The following ATM variants were observed in gnomAD, a reference collection of about 807,000 sequenced individuals.
The protein encoded by ATM is serine-protein kinase ATM.
ATM carries 308 observed loss-of-function variants against 387.0 expected under a neutral mutation model. The ratio of observed to expected loss-of-function variants is 0.80; its 90% confidence interval spans 0.73 to 0.87. ATM has a LOEUF of 0.87. Among genes scored for constraint, ATM ranks in the 40% least tolerant of loss-of-function variants. ATM has a pLI of 0.00. For missense variants in ATM, 3,312 were observed against 3,560.9 expected (o/e 0.93, Z 1.78); for synonymous variants, 1,156 against 1,187.3 (o/e 0.97, Z 0.54).
chr11:108,364,883 A>G (rs984648531), intron 61 of ATM, among the ~76,000 whole-genome samples, 199 bp from the exon 62 acceptor site: 1 of 152,224 alleles, frequency 6.6e-6, no homozygotes, highest in African/African-American at 2.4e-5. Flanking sequence ...GGAAGAATGA[A>G]TTCAGAATGA....
intron 22 of ATM, among the ~76,000 whole-genome samples, chr11:108,278,463 A>T (rs1028733234): frequency 6.6e-6 from 1 of 152,244 alleles, no homozygotes. Flanking sequence ...ACATGCAAGT[A>T]GCATTCTTTT....
chr11:108,313,008 C>A (rs1258580143), intron 40 of ATM, among the ~76,000 whole-genome samples: 1 of 152,196 alleles, frequency 6.6e-6, no homozygotes, highest in African/African-American at 2.4e-5. Context: ...ATCTTCTCTT[C>A]TATGCCGCTG....
In ATM at chr11:108,259,043, A is replaced by G. The variant is rs112357985; in HGVS notation, c.2434A>G (p.Met812Val). 2 of 1,613,770 alleles carry G rather than the reference A, an allele frequency of 1.2e-6. No homozygotes were observed. The highest frequency in any genetic ancestry group is 4.5e-5 in the East Asian group (2 of 44,832). ...CCTGCGATTGTTAACATCAAAGCTA[A>G]TGAATGACATTGCAGATATTTGTAA... ...FFLRLLTSKL[M>V]NDIADICKSL... Residue 812 changes from methionine to valine, a missense_variant, in exon 16 of 63, where the codon ATG becomes GTG. Physicochemically the swap from Met to Val is conservative, Grantham distance 21. Coordinates refer to ENST00000675843, the MANE Select transcript of ATM (RefSeq NM_000051.4).
chr11:108,283,920 C>A (rs185124502), intron 25 of ATM, among the ~76,000 whole-genome samples: 3 of 152,098 alleles, frequency 2.0e-5, no homozygotes, highest in Admixed American at 1.3e-4. Flanking sequence ...AATATAAATT[C>A]AAGTCTCCAT....
At chr11:108,321,562 C>G in intron 45 of ATM, 142 bp downstream of exon 45, 2 of 1,246,142 alleles carry the variant, frequency 1.6e-6, no homozygotes, top group South Asian at 2.4e-5. Context: ...GTGGGTGGAT[C>G]ACTTGAGGTC....
chr11:108,339,123 GTTGA>G (rs1157134040), intron 56 of ATM, among the ~76,000 whole-genome samples: 2 of 152,200 alleles, frequency 1.3e-5, no homozygotes, highest in African/African-American at 4.8e-5. Flanking sequence ...TATTGTGTAT[GTTGA>G]TAGCTCAGAC....
At chr11:108,289,138 T>C in intron 28 of ATM, 35 bp downstream of exon 28, 1 of 1,576,818 alleles carries the variant, frequency 6.3e-7, no homozygotes, top group Middle Eastern at 2.0e-4. Context: ...AATAGAACAT[T>C]CCTTCTTTTT....
At chr11:108,335,766 CT>C in intron 55 of ATM, 78 bp from the exon 56 acceptor site, 1 of 1,154,106 alleles carries the variant, frequency 8.7e-7, no homozygotes, top group Non-Finnish European at 1.3e-6. Flanking sequence ...TTTGAGTGCC[CT>C]TTGCTATTCT....
chr11:108,236,041 C>T (rs902461742), intron 5 of ATM: 30 of 584,912 alleles, frequency 5.1e-5, no homozygotes, highest in Non-Finnish European at 7.5e-5. Context: ...ATATCAGGTG[C>T]CTGATATCAG....
At chr11:108,276,251 C>A (rs1446688562) in intron 22 of ATM, among the ~76,000 whole-genome samples, 1 of 152,184 alleles carries the variant, frequency 6.6e-6, no homozygotes, top group Non-Finnish European at 1.5e-5. Context: ...TTCTAGTTAG[C>A]AGTTCCTCTA....
intron 29 of ATM, 88 bp from the exon 30 acceptor site, chr11:108,292,531 T>C: frequency 1.4e-6 from 2 of 1,465,554 alleles, no homozygotes; most frequent in Non-Finnish European, 1.9e-6. Flanking sequence ...TTAGAGATGC[T>C]GAACAAAAGG....
chr11:108,367,464 GTCA>G lies in ATM; in HGVS notation c.*1961_*1963del, dbSNP rs1210749716. On this transcript the variant is annotated 3_prime_UTR_variant, in exon 63 of 63. Transcript: ENST00000675843. ...TGGAACATTTCTCTGTCCCCCAGCT[GTCA>G]TCATATAAGATAAACATCAGATAAA... 4.9e-6 allele frequency: 1 copy of G among 202,718 alleles called. No homozygotes were observed. The highest frequency in any genetic ancestry group is 1.0e-5 in the Non-Finnish European group (1 of 98,864). The allele number at this position is 202,718 out of a possible 1,614,324, so 12.6% of individuals were successfully genotyped here.
intron 4 of ATM, among the ~76,000 whole-genome samples, chr11:108,233,749 A>C (rs1428499498): frequency 6.6e-6 from 1 of 152,080 alleles, no homozygotes; most frequent in African/African-American, 2.4e-5. Context: ...TGGGAGGCTG[A>C]CATGGGTAGA....
At position 108,329,097 on chromosome 11, in the gene ATM, C is replaced by T. The variant is rs1018140779; in HGVS notation, c.7166C>T (p.Ser2389Leu). 1.9e-6 allele frequency: 3 copies of T among 1,614,092 alleles called. No homozygotes were observed. The highest frequency in any genetic ancestry group is 1.3e-5 in the African/African-American group (1 of 75,030). Residue 2389 changes from serine to leucine, a missense_variant, in exon 49 of 63, where the codon TCA (serine) becomes TTA (leucine). By Grantham distance (145) the Ser-to-Leu change is moderately radical. Coordinates refer to ENST00000675843, the MANE Select transcript of ATM (RefSeq NM_000051.4). ...LRNGKMKAFL[S>L]LARFSDTQYQ... is the part of the protein sequence containing the mutation. ...AATGGAAAAATGAAGGCATTTCTCT[C>T]ATTAGCCCGGTTTTCAGATACTCAA...
chr11:108,309,236 C>A (rs1252515176), intron 38 of ATM, among the ~76,000 whole-genome samples: 1 of 152,146 alleles, frequency 6.6e-6, no homozygotes, highest in Non-Finnish European at 1.5e-5. Flanking sequence ...TGTCTTTGAA[C>A]CTCAGTCTTA....
intron 5 of ATM, among the ~76,000 whole-genome samples, chr11:108,237,563 T>C (rs2079341264): frequency 1.3e-5 from 2 of 152,246 alleles, no homozygotes; most frequent in South Asian, 4.1e-4. Flanking sequence ...AAGTATTTTT[T>C]TACTTAGCTT....
Position 108,301,655 on chromosome 11 carries a change from G to C in ATM, c.5185G>C (p.Val1729Leu), listed in dbSNP as rs3092907. The change falls in exon 35 of 63, where the codon GTT becomes CTT. Residue 1729 changes from valine to leucine, a missense_variant. Physicochemically the swap from Val to Leu is conservative, Grantham distance 32 (BLOSUM62 1). This residue lies in a region of ATM where 1,405 missense variants were observed against 1,604.4 expected (regional missense o/e 0.88). Transcript: ENST00000675843. Reference protein sequence around the residue: ...NNTLVEDCVKVRSAAVTCLKN... With the variant: ...NNTLVEDCVKLRSAAVTCLKN... ...TTGAATTGTTTTTTTCAGTGTCAAA[G>C]TTCGATCAGCAGCTGTTACCTGTTT... 145 of 1,613,474 alleles carry C rather than the reference G, an allele frequency of 9.0e-5. No homozygotes were observed. The Middle Eastern group carries it at 1.2e-3, about 13-fold the overall frequency.
At chr11:108,356,264 G>C (rs565625546) in intron 61 of ATM, among the ~76,000 whole-genome samples, 3 of 152,092 alleles carry the variant, frequency 2.0e-5, no homozygotes, top group African/African-American at 7.2e-5. Context: ...GGCTGGGCGC[G>C]GTGGCTCATG....
At chr11:108,279,359 A>G (rs2082103136) in intron 22 of ATM, 132 bp from the exon 23 acceptor site, 3 of 710,806 alleles carry the variant, frequency 4.2e-6, no homozygotes, top group Admixed American at 4.4e-5. Context: ...GTTAGTCTTT[A>G]AGAAAGAGCT....
Sources: allele counts gnomAD v4.1 joint callset (sites outside exome capture counted in the v4.1 genomes callset), GRCh38; gene constraint gnomAD v4.1.1; regional missense constraint gnomAD v4.1.1; transcripts MANE v1.5; gene names NCBI Gene and HGNC (gene_info 2026-07-23, HGNC 2026-07-21).